Variants in SMG5 observed in about 807,000 individuals in gnomAD.
SMG5 encodes the protein SMG5 nonsense mediated mRNA decay factor.
SMG5 carries 53 observed loss-of-function variants against 122.9 expected under a neutral mutation model. The observed-to-expected ratio is 0.43, with a 90% CI of 0.35 to 0.54. The LOEUF is 0.54. Ranked by LOEUF, SMG5 falls within the 20% of genes least tolerant of loss-of-function variation. The pLI, the probability that SMG5 is intolerant of heterozygous loss-of-function variation, is 0.01. For missense variants in SMG5, 1,153 were observed against 1,285.6 expected, an observed-to-expected ratio of 0.90 and a Z score of 1.58; for synonymous variants, 477 against 490.2, an observed-to-expected ratio of 0.97 and a Z score of 0.35.
At chr1:156,263,603 T>C (rs746356282) in intron 12 of SMG5, 33 bp from the exon 13 acceptor site, 2 of 1,603,638 alleles carry the variant, frequency 1.2e-6, no homozygotes, top group South Asian at 2.2e-5. Context: ...AGAAAAAAAC[T>C]GGGATAAACA....
intron 20 of SMG5, 68 bp from the exon 21 acceptor site, chr1:156,251,064 CT>C: frequency 1.3e-6 from 2 of 1,576,752 alleles, no homozygotes; most frequent in Non-Finnish European, 1.7e-6. Flanking sequence ...ACACCAGGAT[CT>C]CCAGGGGACA....
chr1:156,251,049 C>T (rs529410197), intron 20 of SMG5, 53 bp from the exon 21 acceptor site: 5 of 1,592,616 alleles, frequency 3.1e-6, no homozygotes, highest in South Asian at 1.1e-5. Flanking sequence ...ATTAGCACAG[C>T]CCAAACACCA....
chr1:156,267,362 T>G, intron 10 of SMG5, 108 bp downstream of exon 10: 1 of 1,121,020 alleles, frequency 8.9e-7, no homozygotes, highest in Non-Finnish European at 1.3e-6. Flanking sequence ...GACACAGGAG[T>G]GAAGAGGCTG....
rs1298053752 is a variant in SMG5 at position 156,260,428 on chromosome 1, G to A, written c.2283+23C>T. 5 of 1,591,662 alleles carry A rather than the reference G, an allele frequency of 3.1e-6. No homozygotes were observed. The African/African-American group carries it at 6.8e-5, about 22-fold the overall frequency. On this transcript the variant is annotated intron_variant, in intron 15 of 21. Transcript: ENST00000361813. ...GTTTGTGACTGACAAACAGAGCTGT[G>A]GCATAAGAAATGCTATCCTTACCTC...
At chr1:156,265,036 TACACACACACACACAC>T (rs35457785) in intron 12 of SMG5, among the ~76,000 whole-genome samples, 4 of 122,822 alleles carry the variant, frequency 3.3e-5, no homozygotes, top group Admixed American at 8.6e-5. Flanking sequence ...AAAAAAAAAA[TACACACACACACACAC>T]ACACACACAC....
upstream of SMG5, chr1:156,286,569 G>A (rs1663170249): frequency 3.9e-5 from 49 of 1,264,262 alleles, no homozygotes; most frequent in Non-Finnish European, 5.4e-5. Context: ...GAGCTTTCCG[G>A]ATTCTACACT....
In SMG5 at chr1:156,266,638, G is replaced by A; in HGVS notation, c.1158C>T (p.Ala386=). ...CATGATTGACGAGGTGGGAAAAGAG[G>A]GCCAGGGTGAAGGCAATGGCTGCAC... ...QYSAAIAFTL[A]LFSHLVNHVN... The change falls in exon 11 of 22, where the codon GCC becomes GCT. Residue 386 remains alanine (A), a synonymous_variant. Transcript: ENST00000361813. The A allele has an allele frequency of 6.2e-7, 1 of 1,614,136 alleles. No homozygotes were observed. The highest frequency in any genetic ancestry group is 8.5e-7 in the Non-Finnish European group (1 of 1,180,040).
chr1:156,271,533 C>T (rs183304651), intron 7 of SMG5, among the ~76,000 whole-genome samples: 1 of 149,738 alleles, frequency 6.7e-6, no homozygotes, highest in African/African-American at 2.5e-5. Context: ...ACTCAATACC[C>T]TAAGCTTAAT....
chr1:156,266,673 T>C lies in SMG5; in HGVS notation c.1123A>G (p.Lys375Glu), dbSNP rs757952652. ...AAGGCAATGGCTGCACTGTACTGCT[T>C]GGATCCTGAAGTCAGGAAAGCCAGG... Reference protein sequence around the residue: ...CVHSLERAGSKQYSAAIAFTL... With the variant: ...CVHSLERAGSEQYSAAIAFTL... Residue 375 changes from lysine (K) to glutamate (E), a missense_variant, in exon 11 of 22, where the codon AAG becomes GAG. Physicochemically the swap from Lys to Glu is moderately conservative, Grantham distance 56 (BLOSUM62 1). Coordinates refer to ENST00000361813, the MANE Select transcript of SMG5 (RefSeq NM_015327.3). 6.2e-7 allele frequency: 1 copy of C among 1,614,180 alleles called. No homozygotes were observed. Among genetic ancestry groups the C allele is most frequent in the East Asian group, 2.2e-5 (1 of 44,886 alleles).
At position 156,249,971 on chromosome 1, in the gene SMG5, A is replaced by G. The variant is rs1423889698; in HGVS notation, c.*616T>C. On this transcript the variant is annotated 3_prime_UTR_variant, in exon 22 of 22. Coordinates refer to ENST00000361813, the MANE Select transcript of SMG5 (RefSeq NM_015327.3). ...GTGCAGCCCCTGCAGCAGGAGGAGG[A>G]GCACACGAACCCTGACCCTGCTACT... The G allele has an allele frequency of 2.1e-6, 1 of 470,514 alleles. No homozygotes were observed. The highest frequency in any genetic ancestry group is 4.4e-6 in the Non-Finnish European group (1 of 226,704). 29.1% of individuals were successfully genotyped at this position (470,514 alleles called of 1,614,324 possible).
intron 5 of SMG5, among the ~76,000 whole-genome samples, chr1:156,273,713 GTTTT>G (rs1662546033): frequency 1.6e-5 from 2 of 126,716 alleles, no homozygotes; most frequent in African/African-American, 5.6e-5. Context: ...TTTTTGTTTT[GTTTT>G]CTTTTTTTTT....
rs775277163 is a variant in SMG5 at position 156,263,445 on chromosome 1, A to G, written c.1981T>C (p.Phe661Leu). The G allele has an allele frequency of 1.9e-6, 3 of 1,614,154 alleles. No individual in the cohort carries two copies. The highest frequency in any genetic ancestry group is 2.5e-6 in the Non-Finnish European group (3 of 1,180,058). ...GGGTTGGTCCGAAGCCAGTCCAGGA[A>G]GACTTTCACAGCAGGAAGCAGACCT... Reference protein sequence around the residue: ...AEGLLPAVKVFLDWLRTNPDL... With the variant: ...AEGLLPAVKVLLDWLRTNPDL... The change falls in exon 13 of 22, where the codon TTC becomes CTC. Residue 661 changes from phenylalanine (F) to leucine (L), a missense_variant. Around this residue, in one of 5 missense-constraint regions of SMG5, gnomAD observed 631 missense variants for 650.6 expected, o/e 0.97. Transcript: ENST00000361813.
Position 156,268,159 on chromosome 1 carries a change from T to C in SMG5, c.864A>G (p.Leu288=), listed in dbSNP as rs767963273. 2.5e-6 allele frequency: 4 copies of C among 1,614,198 alleles called. No homozygotes were observed. In the East Asian group the frequency reaches 8.9e-5, roughly 36 times the overall value. ...GGCTTTGCAGATACATAAAGTTCACTAGCAACCTTTTAATGTCTTTACATC... is the reference window on the plus strand; with the variant it reads ...GGCTTTGCAGATACATAAAGTTCACCAGCAACCTTTTAATGTCTTTACATC... ...KKRCKDIKRL[L]VNFMYLQSLL... The change falls in exon 9 of 22, where the codon CTA becomes CTG. Residue 288 remains leucine, a synonymous_variant. Coordinates refer to ENST00000361813, the MANE Select transcript of SMG5 (RefSeq NM_015327.3).
chr1:156,274,632 G>A lies in SMG5; in HGVS notation c.509C>T (p.Ala170Val). 1 of 1,613,952 alleles carries A rather than the reference G, an allele frequency of 6.2e-7. No homozygotes were observed. Among genetic ancestry groups the A allele is most frequent in the Non-Finnish European group, 8.5e-7 (1 of 1,179,876 alleles). ...CAGATACACCAGACATCGGTGACAT[G>A]CCATCTGTGCCCAATCCATCTCCTT... is the stretch of plus-strand genomic sequence containing the variant. ...SGKEMDWAQM[A>V]CHRCLVYLGD... Residue 170 changes from alanine (A) to valine (V), a missense_variant, in exon 5 of 22, where the codon GCA becomes GTA. Ala to Val is a moderately conservative substitution (Grantham distance 64). Transcript: ENST00000361813.
At position 156,268,111 on chromosome 1, in the gene SMG5, T is replaced by G; in HGVS notation, c.908+4A>C. 1 of 1,614,108 alleles carries G rather than the reference T, an allele frequency of 6.2e-7. No homozygotes were observed. ...AGTTCAGGTTCATGCTCTCTTCCACTCACCTGCTTTTGGGCTGTAGGAGGC... is the reference window on the plus strand; with the variant it reads ...AGTTCAGGTTCATGCTCTCTTCCACGCACCTGCTTTTGGGCTGTAGGAGGC... On this transcript the variant is annotated splice_donor_region_variant and intron_variant, in intron 9 of 21. Coordinates refer to ENST00000361813, the MANE Select transcript of SMG5 (RefSeq NM_015327.3).
In SMG5 at chr1:156,266,132, C is replaced by G; in HGVS notation, c.1504G>C (p.Glu502Gln). ...GSDSGSDKSLEGGGTAFDAET... is the reference protein window; with the variant it reads ...GSDSGSDKSLQGGGTAFDAET... ...GCATCAAAGGCCGTTCCCCCACCTT[C>G]AAGACTCTTGTCAGAGCCACTGTCT... The change falls in exon 12 of 22, where the codon GAA (glutamate) becomes CAA (glutamine). Residue 502 changes from glutamate (E) to glutamine (Q), a missense_variant. By Grantham distance (29) the Glu-to-Gln change is conservative. This residue lies in a region of SMG5 where 631 missense variants were observed against 650.6 expected (regional missense o/e 0.97). Transcript: ENST00000361813. 2 of 1,614,254 alleles carry G rather than the reference C, an allele frequency of 1.2e-6. No individual in the cohort carries two copies. The highest frequency in any genetic ancestry group is 1.7e-6 in the Non-Finnish European group (2 of 1,180,046).
At chr1:156,286,347 G>T, upstream of SMG5, 1 of 1,614,180 alleles carries the variant, frequency 6.2e-7, no homozygotes, top group Non-Finnish European at 8.5e-7. Context: ...ATCCACCGGC[G>T]ATATGTGGCC....
chr1:156,262,053 T>A (rs1287445665), intron 13 of SMG5, among the ~76,000 whole-genome samples: 2 of 151,230 alleles, frequency 1.3e-5, no homozygotes, highest in East Asian at 4.0e-4. Context: ...CAGTGAGACC[T>A]TGTTTCAAAA....
At chr1:156,252,718 C>T (rs1661404793) in intron 18 of SMG5, among the ~76,000 whole-genome samples, 1 of 152,220 alleles carries the variant, frequency 6.6e-6, no homozygotes, top group Non-Finnish European at 1.5e-5. Flanking sequence ...TATTCACTTA[C>T]ATTTTCTGTT....
Sources: allele counts gnomAD v4.1 joint callset (sites outside exome capture counted in the v4.1 genomes callset), GRCh38; gene constraint gnomAD v4.1.1; regional missense constraint gnomAD v4.1.1; transcripts MANE v1.5; gene names NCBI Gene and HGNC (gene_info 2026-07-23, HGNC 2026-07-21).